Variants in IL5RA observed in about 807,000 individuals in gnomAD.
IL5RA encodes interleukin-5 receptor subunit alpha.
IL5RA carries 49 observed loss-of-function variants against 50.0 expected under a neutral mutation model. That is an observed-to-expected ratio of 0.98 (90% CI 0.78 to 1.24). The LOEUF (loss-of-function observed/expected upper bound fraction) is 1.24, where lower values mean the gene tolerates loss of function less well. Among genes scored for constraint, IL5RA ranks in the 50% most tolerant of loss-of-function variants. The probability of loss-of-function intolerance (pLI) is 0.00; values close to 1 mark genes in which losing one functional copy is unlikely to be tolerated. For missense variants in IL5RA, 600 were observed against 500.4 expected, an observed-to-expected ratio of 1.20 and a Z score of -1.90; for synonymous variants, 202 against 174.0, an observed-to-expected ratio of 1.16 and a Z score of -1.26.
intron 10 of IL5RA, among the ~76,000 whole-genome samples, chr3:3,075,824 T>A (rs1702460324): frequency 6.6e-6 from 1 of 152,010 alleles, no homozygotes; most frequent in South Asian, 2.1e-4. Context: ...GTGGTCTCGA[T>A]CTCCTGACCT....
In IL5RA at chr3:3,070,243, C is replaced by T. The variant is rs1400739411; in HGVS notation, c.1245G>A (p.Leu415=). The T allele has an allele frequency of 6.2e-7, 1 of 1,612,224 alleles. No individual in the cohort carries two copies. Residue 415 remains leucine, a synonymous_variant, in exon 12 of 12, where the codon CTG becomes CTA. Coordinates refer to ENST00000446632, the MANE Select transcript of IL5RA (RefSeq NM_175726.4). ...CYIEKPGVET[L]EDSVF is the part of the protein sequence containing the mutation. Reference sequence around the variant, plus strand: ...GTGACAGTCAAAACACAGAATCCTCCAGGGTCTCAACTCCAGGCTTCTCTA... The same window carrying T: ...GTGACAGTCAAAACACAGAATCCTCTAGGGTCTCAACTCCAGGCTTCTCTA...
intron 10 of IL5RA, among the ~76,000 whole-genome samples, chr3:3,075,890 A>G (rs771049747): frequency 1.4e-4 from 21 of 152,058 alleles, no homozygotes; most frequent in Non-Finnish European, 2.6e-4. Context: ...GTGAGCCCCC[A>G]CACCCGGACC....
chr3:3,076,980 T>C (rs1302449812), intron 9 of IL5RA, among the ~76,000 whole-genome samples: 2 of 152,214 alleles, frequency 1.3e-5, no homozygotes, highest in Non-Finnish European at 2.9e-5. Flanking sequence ...AGTAAGGTTT[T>C]TAGATAGAAA....
intron 9 of IL5RA, among the ~76,000 whole-genome samples, chr3:3,079,992 A>G (rs372974970): frequency 2.0e-4 from 31 of 152,136 alleles, no homozygotes; most frequent in African/African-American, 6.5e-4. Context: ...CCATCACGCA[A>G]CTGCACTCCA....
chr3:3,068,974 C>T lies in IL5RA; in HGVS notation c.*1251G>A, dbSNP rs1240679531. 2 of 152,178 alleles carry T rather than the reference C, an allele frequency of 1.3e-5. No individual in the cohort carries two copies. Among genetic ancestry groups the T allele is most frequent in the Non-Finnish European group, 2.9e-5 (2 of 68,024 alleles). 9.4% of individuals were successfully genotyped at this position (152,178 alleles called of 1,614,324 possible). A position where few individuals can be genotyped will look rare whatever the true frequency, so the allele number is the denominator to read the frequency against. On this transcript the variant is annotated 3_prime_UTR_variant, in exon 12 of 12. Coordinates refer to ENST00000446632, the MANE Select transcript of IL5RA (RefSeq NM_175726.4). The stretch of plus-strand genomic sequence containing the variant: ...GATAATTACAGGTTAGTTAAGAAAA[C>T]AAACAAACCTGGAAATATATGGTAG...
intron 1 of IL5RA, among the ~76,000 whole-genome samples, chr3:3,109,651 A>G (rs1297869478): frequency 6.6e-6 from 1 of 152,206 alleles, no homozygotes; most frequent in Non-Finnish European, 1.5e-5. Context: ...AGAAGGTTAT[A>G]CCCAGAATCA....
In IL5RA at chr3:3,092,066, T is replaced by G. The variant is rs1291874943; in HGVS notation, c.994+158A>C. The G allele has an allele frequency of 7.1e-7, 1 of 1,406,900 alleles. No homozygotes were observed. The highest frequency in any genetic ancestry group is 1.5e-5 in the African/African-American group (1 of 68,960). 87.2% of individuals were successfully genotyped at this position (1,406,900 alleles called of 1,614,324 possible). Reference sequence around the variant, plus strand: ...AAAACTTCACTGGCTTCATGGCAAATCTATTCCTGATTGAAAAGGCAGTAG... The same window carrying G: ...AAAACTTCACTGGCTTCATGGCAAAGCTATTCCTGATTGAAAAGGCAGTAG... On this transcript the variant is annotated intron_variant, in intron 9 of 11. Coordinates refer to ENST00000446632, the MANE Select transcript of IL5RA (RefSeq NM_175726.4). The surrounding 1 kb of genome is among the most constrained non-coding windows in gnomAD (Gnocchi z 4.2).
In IL5RA at chr3:3,102,969, C is replaced by T. The variant is rs1026445620; in HGVS notation, c.83-149G>A. On this transcript the variant is annotated intron_variant, in intron 3 of 11. Transcript: ENST00000446632. Reference sequence around the variant, plus strand: ...AGTTGCTCCTGCGTGCCTGTAACACCGGGGCAAAGAGAAAGTGGCTATTTC... The same window carrying T: ...AGTTGCTCCTGCGTGCCTGTAACACTGGGGCAAAGAGAAAGTGGCTATTTC... The T allele has an allele frequency of 1.1e-5, 6 of 550,976 alleles. No homozygotes were observed. The East Asian group carries it at 1.3e-4, about 12-fold the overall frequency. The allele number at this position is 550,976 out of a possible 1,614,324, so 34.1% of individuals were successfully genotyped here. A position where few individuals can be genotyped will look rare whatever the true frequency, so the allele number is the denominator to read the frequency against.
In IL5RA at chr3:3,069,934, G is replaced by A; in HGVS notation, c.*291C>T. On this transcript the variant is annotated 3_prime_UTR_variant, in exon 12 of 12. Coordinates refer to ENST00000446632, the MANE Select transcript of IL5RA (RefSeq NM_175726.4). The stretch of plus-strand genomic sequence containing the variant: ...GAATGAAAAGTCTGAGGTGAGTCAA[G>A]CAAATTGCAAAGATTGGCAGGTGAG... The A allele has an allele frequency of 3.8e-6, 1 of 260,622 alleles. No individual in the cohort carries two copies. Among genetic ancestry groups the A allele is most frequent in the Non-Finnish European group, 7.2e-6 (1 of 138,788 alleles). The allele number at this position is 260,622 out of a possible 1,614,324, so 16.1% of individuals were successfully genotyped here.
At chr3:3,089,363 G>A (rs538382423) in intron 9 of IL5RA, among the ~76,000 whole-genome samples, 2 of 152,264 alleles carry the variant, frequency 1.3e-5, no homozygotes, top group East Asian at 1.9e-4. Flanking sequence ...CATTTATTAG[G>A]CCTTTCCTTA....
chr3:3,107,418 G>A lies in IL5RA; in HGVS notation c.-4+1132C>T, dbSNP rs1042651178. On this transcript the variant is annotated intron_variant, in intron 2 of 11. Transcript: ENST00000446632. ...CAACAGCAACAACAAATCTCTTCAG[G>A]CCATTTCTTTAATCCAAAGATACAC... Among the ~76,000 whole-genome samples the A allele has an allele frequency of 2.8e-5, 4 of 143,088 alleles. No homozygotes were observed. In the South Asian group the frequency reaches 8.7e-4, roughly 31 times the overall value. 93.9% of individuals were successfully genotyped at this position (143,088 alleles called of 152,430 possible). A position where few individuals can be genotyped will look rare whatever the true frequency, so the allele number is the denominator to read the frequency against.
In IL5RA at chr3:3,092,206, T is replaced by C. The variant is rs773994745; in HGVS notation, c.994+18A>G. On this transcript the variant is annotated intron_variant, in intron 9 of 11. Transcript: ENST00000446632. The surrounding 1 kb of genome is among the most constrained non-coding windows in gnomAD (Gnocchi z 4.2). The stretch of plus-strand genomic sequence containing the variant: ...CACAAGGAAGGCTGCCAATGTAAAA[T>C]AAACATAAGCTACTTACCCACATAA... 1 of 1,605,936 alleles carries C rather than the reference T, an allele frequency of 6.2e-7. No homozygotes were observed. Among genetic ancestry groups the C allele is most frequent in the South Asian group, 1.1e-5 (1 of 89,132 alleles).
chr3:3,094,500 C>A (rs1174167353), intron 8 of IL5RA, among the ~76,000 whole-genome samples: 1 of 152,128 alleles, frequency 6.6e-6, no homozygotes, highest in East Asian at 1.9e-4. Context: ...TTTTGCTTAT[C>A]CATTCATTTA....
Position 3,097,328 on chromosome 3 carries a change from G to A in IL5RA, c.709+542C>T, listed in dbSNP as rs17883106. Among the ~76,000 whole-genome samples the A allele has an allele frequency of 1.7e-3, 256 of 152,292 alleles. 2 individuals are homozygous for A. The highest frequency in any genetic ancestry group is 6.8e-3 in the Middle Eastern group (2 of 294). On this transcript the variant is annotated intron_variant, in intron 7 of 11. Coordinates refer to ENST00000446632, the MANE Select transcript of IL5RA (RefSeq NM_175726.4). ...TAGCCTGGGAGAAGAAGGGCTTCTG[G>A]ATGGGAAACGTGCTGCCTGTGAACA...
chr3:3,109,503 TTG>T, intron 1 of IL5RA, among the ~76,000 whole-genome samples: 1 of 152,346 alleles, frequency 6.6e-6, no homozygotes, highest in East Asian at 1.9e-4. Context: ...CTCATTTTAA[TTG>T]CATAATTATC....
intron 11 of IL5RA, among the ~76,000 whole-genome samples, chr3:3,071,516 C>A (rs1404560535): frequency 1.3e-5 from 2 of 149,900 alleles, no homozygotes; most frequent in African/African-American, 4.9e-5. Flanking sequence ...ATAAGCCTTT[C>A]TTTTTGACTG....
intron 11 of IL5RA, among the ~76,000 whole-genome samples, chr3:3,071,232 C>A (rs189408385): frequency 1.3e-5 from 2 of 152,306 alleles, no homozygotes; most frequent in Admixed American, 6.5e-5. Context: ...CTGCCTTTAT[C>A]CATTTTACTG....
intron 8 of IL5RA, among the ~76,000 whole-genome samples, chr3:3,095,001 A>G (rs1434600950): frequency 6.6e-6 from 1 of 152,210 alleles, no homozygotes; most frequent in Non-Finnish European, 1.5e-5. Flanking sequence ...TGCTAGGATT[A>G]CAGGCGTGAG....
At chr3:3,087,373 T>G (rs1574988650) in intron 9 of IL5RA, among the ~76,000 whole-genome samples, 8 of 152,168 alleles carry the variant, frequency 5.3e-5, no homozygotes, top group Admixed American at 5.2e-4. Context: ...CCAGGGACCT[T>G]ACCAACAGAG....
Sources: gnomAD v4.1 joint callset for allele counts (sites outside exome capture counted in the v4.1 genomes callset) on GRCh38, gnomAD v4.1.1 for gene constraint, Gnocchi (gnomAD v3.1) non-coding constraint, MANE v1.5 for transcripts, NCBI Gene and HGNC (gene_info 2026-07-23, HGNC 2026-07-21) for gene names.